SLC14A2: variants seen among roughly 807,000 people sequenced by gnomAD.
The protein encoded by SLC14A2 is solute carrier family 14 member 2, also known as urea transporter 2.
In SLC14A2, 91 loss-of-function variants were observed where a neutral mutation model predicts 104.6. The observed-to-expected ratio is 0.87, with a 90% confidence interval of 0.73 to 1.04. SLC14A2 has a LOEUF of 1.04. Among genes scored for constraint, SLC14A2 ranks in the 50% least tolerant of loss-of-function variants. The pLI is 0.00. For missense variants in SLC14A2, 1,189 were observed against 1,156.0 expected (o/e 1.03, Z -0.41); for synonymous variants, 476 against 466.4 (o/e 1.02, Z -0.27).
At chr18:45,349,968 A>G (rs1476552617) in intron 1 of SLC14A2, among the ~76,000 whole-genome samples, 2 of 152,218 alleles carry the variant, frequency 1.3e-5, no homozygotes, top group Non-Finnish European at 2.9e-5. Context: ...AAAATAATCA[A>G]TATTATCAAC....
chr18:45,680,436 A>T (rs1213502034), intron 19 of SLC14A2, among the ~76,000 whole-genome samples: 2 of 152,178 alleles, frequency 1.3e-5, no homozygotes, highest in African/African-American at 4.8e-5. Flanking sequence ...CACTCTCCGG[A>T]ATATAAAAAA....
At chr18:45,569,819 T>G (rs953764186) in intron 2 of SLC14A2, among the ~76,000 whole-genome samples, 1 of 152,176 alleles carries the variant, frequency 6.6e-6, no homozygotes, top group Admixed American at 6.5e-5. Context: ...TAGGCCTCTT[T>G]CCAGCCATCG....
the SLC14A2 span, among the ~76,000 whole-genome samples, chr18:45,169,807 C>T: frequency 2.0e-5 from 3 of 152,258 alleles, no homozygotes; most frequent in South Asian, 2.1e-4. Flanking sequence ...TTGGGCAATA[C>T]CATCTACTCA....
intron 1 of SLC14A2, among the ~76,000 whole-genome samples, chr18:45,423,184 C>T (rs139738545): frequency 4.3e-4 from 66 of 152,320 alleles, no homozygotes; most frequent in Non-Finnish European, 8.4e-4. Context: ...CGCTCAGGCT[C>T]AAGTTGTATT....
At chr18:45,464,219 G>A (rs1476746162) in intron 1 of SLC14A2, among the ~76,000 whole-genome samples, 3 of 152,176 alleles carry the variant, frequency 2.0e-5, no homozygotes, top group African/African-American at 4.8e-5. Flanking sequence ...TCTGGTCTTT[G>A]CTACCAACTA....
At chr18:45,359,328 G>A (rs939946436) in intron 1 of SLC14A2, among the ~76,000 whole-genome samples, 4 of 152,188 alleles carry the variant, frequency 2.6e-5, no homozygotes, top group African/African-American at 9.6e-5. Flanking sequence ...CCCCCGTCTA[G>A]CGTTTGTTCC....
intron 2 of SLC14A2, chr18:45,492,903 G>A (rs1350863069): frequency 6.6e-6 from 1 of 152,144 alleles, no homozygotes; most frequent in Non-Finnish European, 1.5e-5. Context: ...ACTTCAACTT[G>A]AGACAATTAT....
the SLC14A2 span, among the ~76,000 whole-genome samples, chr18:45,201,458 T>A: frequency 2.6e-5 from 4 of 152,282 alleles, no homozygotes; most frequent in South Asian, 8.3e-4. Flanking sequence ...CTTCACTTCT[T>A]TATTTTTCAA....
intron 1 of SLC14A2, among the ~76,000 whole-genome samples, chr18:45,431,472 T>A (rs72910714): frequency 0.069 from 10,564 of 152,258 alleles, 681 homozygotes; most frequent in East Asian, 0.2. Context: ...ATTATTTTTT[T>A]AAAAAACTAC....
upstream of SLC14A2, among the ~76,000 whole-genome samples, chr18:45,209,349 AAACAACAAC>A (rs201890560): frequency 6.6e-6 from 1 of 151,228 alleles, no homozygotes. Flanking sequence ...TCTCAAAACA[AAACAACAAC>A]AACAACAACA....
intron 1 of SLC14A2, among the ~76,000 whole-genome samples, chr18:45,357,063 A>C (rs1446134695): frequency 6.6e-6 from 1 of 152,144 alleles, no homozygotes; most frequent in Non-Finnish European, 1.5e-5. Context: ...TTCTAGAAGC[A>C]TAGGGACTTT....
At chr18:45,192,642 T>TTTTTTTTGTTTTGTTTTG in the SLC14A2 span, among the ~76,000 whole-genome samples, 3 of 144,832 alleles carry the variant, frequency 2.1e-5, no homozygotes, top group Non-Finnish European at 4.5e-5. Flanking sequence ...GTGTGGTTTT[T>TTTTTTTTGTTTTGTTTTG]TTTTGTTTTG....
At chr18:45,440,044 T>C (rs2086658446) in intron 1 of SLC14A2, among the ~76,000 whole-genome samples, 1 of 152,068 alleles carries the variant, frequency 6.6e-6, no homozygotes, top group African/African-American at 2.4e-5. Flanking sequence ...AGCCCAGTCA[T>C]AATATTGTGG....
intron 1 of SLC14A2, among the ~76,000 whole-genome samples, chr18:45,315,831 A>G (rs985970035): frequency 1.3e-5 from 2 of 152,210 alleles, no homozygotes. Flanking sequence ...TGTGGAGCTA[A>G]AGGAGAAGAG....
intron 1 of SLC14A2, among the ~76,000 whole-genome samples, chr18:45,235,832 C>CAT (rs1491244379): frequency 5.6e-5 from 4 of 71,868 alleles, no homozygotes; most frequent in African/African-American, 2.4e-4. Flanking sequence ...TATATATATA[C>CAT]GTGTATATAT....
At chr18:45,370,459 G>C (rs1037923670) in intron 1 of SLC14A2, among the ~76,000 whole-genome samples, 4 of 152,220 alleles carry the variant, frequency 2.6e-5, no homozygotes, top group African/African-American at 9.6e-5. Context: ...AAAGGTCAGA[G>C]ATAAATGCAG....
chr18:45,600,399 C>G (rs911217687), intron 2 of SLC14A2, among the ~76,000 whole-genome samples: 2 of 152,170 alleles, frequency 1.3e-5, no homozygotes, highest in Non-Finnish European at 1.5e-5. Flanking sequence ...AGCCATCAGA[C>G]TGACCTGCTG....
rs1430204593 is a variant in SLC14A2 at position 45,663,912 on chromosome 18, G to GGTGTA, written c.1474+5_1474+6insGTGTA. The GGTGTA allele has an allele frequency of 1.9e-5, 31 of 1,609,110 alleles. No homozygotes were observed. Among genetic ancestry groups the GGTGTA allele is most frequent in the Non-Finnish European group, 2.3e-5 (27 of 1,177,824 alleles). On this transcript the variant is annotated splice_donor_region_variant and intron_variant, in intron 11 of 19. Coordinates refer to ENST00000255226, the MANE Select transcript of SLC14A2 (RefSeq NM_007163.4). ...CCATTCGGAGGAGGAGCAAAGGTGT[G>GGTGTA]CATGTCCTCCCCCTCACGCTTGGAT...
At chr18:45,477,440 C>T (rs1364806025) in intron 1 of SLC14A2, among the ~76,000 whole-genome samples, 2 of 152,172 alleles carry the variant, frequency 1.3e-5, no homozygotes, top group African/African-American at 2.4e-5. Flanking sequence ...GAGGCATCTC[C>T]CAGTAAGAAG....
Sources: allele counts gnomAD v4.1 joint callset (sites outside exome capture counted in the v4.1 genomes callset), GRCh38; gene constraint gnomAD v4.1.1; transcripts MANE v1.5; gene names NCBI Gene and HGNC (gene_info 2026-07-23, HGNC 2026-07-21).